The following ZMYND11 variants were observed in gnomAD, a reference collection of about 807,000 sequenced individuals.
The protein encoded by ZMYND11 is zinc finger MYND-type containing 11.
In ZMYND11, 9 loss-of-function variants were observed where a neutral mutation model predicts 84.9. The observed-to-expected ratio is 0.11, with a 90% CI of 0.06 to 0.18. ZMYND11 has a LOEUF of 0.18. Among genes scored for constraint, ZMYND11 ranks in the 10% least tolerant of loss-of-function variants. The pLI, the probability that ZMYND11 is intolerant of heterozygous loss-of-function variation, is 1.00. For synonymous variants in ZMYND11, 250 were observed against 244.1 expected, an observed-to-expected ratio of 1.02 and a Z score of -0.23; for missense variants, 409 against 761.0, an observed-to-expected ratio of 0.54 and a Z score of 5.44.
Position 248,470 on chromosome 10 carries a change from C to T in ZMYND11, c.1362C>T (p.Ser454=). The T allele has an allele frequency of 2.5e-6, 4 of 1,614,184 alleles. No homozygotes were observed. The African/African-American group carries it at 4.0e-5, about 16-fold the overall frequency. The change falls in exon 13 of 15, where the codon AGC becomes AGT. Residue 454 remains serine, a synonymous_variant. Coordinates refer to ENST00000381604, the MANE Select transcript of ZMYND11 (RefSeq NM_001370100.5). ...SASSPRMLHR[S]TQTTNDGVCQ... ...CTTCACCAAGAATGCTGCATCGGAGCACCCAGACCACAAACGACGGCGTGT... is the reference window on the plus strand; with the variant it reads ...CTTCACCAAGAATGCTGCATCGGAGTACCCAGACCACAAACGACGGCGTGT...
intron 4 of ZMYND11, among the ~76,000 whole-genome samples, chr10:231,051 T>C (rs1948943083): frequency 6.6e-6 from 1 of 152,230 alleles, no homozygotes; most frequent in Non-Finnish European, 1.5e-5. Flanking sequence ...ATGAAAATTA[T>C]AAAAAATTCA....
chr10:246,093 TC>T (rs1335625214), intron 10 of ZMYND11, among the ~76,000 whole-genome samples: 30 of 152,200 alleles, frequency 2.0e-4, no homozygotes, highest in Non-Finnish European at 4.1e-4. Flanking sequence ...GAAAAAGTGT[TC>T]TTTCCAACAG....
intron 1 of ZMYND11, among the ~76,000 whole-genome samples, chr10:175,517 C>G (rs1368613100): frequency 6.6e-6 from 1 of 151,866 alleles, no homozygotes; most frequent in Non-Finnish European, 1.5e-5. Context: ...TGCAGTGAGC[C>G]GAAATCACAC....
At chr10:234,982 ATGTG>A (rs60483060) in intron 4 of ZMYND11, among the ~76,000 whole-genome samples, 211 of 148,992 alleles carry the variant, frequency 1.4e-3, no homozygotes, top group Middle Eastern at 3.4e-3. Flanking sequence ...TATTTCGCAA[ATGTG>A]TGTGTGTGTG....
At chr10:219,101 T>C (rs891985620) in intron 3 of ZMYND11, among the ~76,000 whole-genome samples, 2 of 152,210 alleles carry the variant, frequency 1.3e-5, no homozygotes, top group Admixed American at 6.5e-5. Flanking sequence ...ATTTGAGTTA[T>C]ACTTTCATTT....
chr10:168,409 G>A (rs781946014), intron 1 of ZMYND11, among the ~76,000 whole-genome samples: 12 of 152,004 alleles, frequency 7.9e-5, no homozygotes, highest in Non-Finnish European at 1.5e-4. Context: ...CCAGGAGAAT[G>A]GAGTCCAGCC....
chr10:196,096 C>T (rs1205580216), intron 2 of ZMYND11, among the ~76,000 whole-genome samples: 1 of 152,188 alleles, frequency 6.6e-6, no homozygotes, highest in African/African-American at 2.4e-5. Flanking sequence ...TTAGGTAATT[C>T]ATTTCATTCA....
intron 2 of ZMYND11, among the ~76,000 whole-genome samples, chr10:188,672 G>A (rs1320014102): frequency 6.6e-6 from 1 of 151,196 alleles, no homozygotes; most frequent in African/African-American, 2.4e-5. Context: ...GTCTATTTTA[G>A]TATCCATTAA....
chr10:200,993 G>A (rs1431845), intron 2 of ZMYND11, among the ~76,000 whole-genome samples: 34,496 of 151,692 alleles, frequency 0.23, 4,183 homozygotes, highest in Middle Eastern at 0.32. Flanking sequence ...TTCTAATCTA[G>A]TCAGGTATTT....
At chr10:248,789 GT>G in intron 13 of ZMYND11, 113 bp from the exon 14 acceptor site, 1 of 1,428,316 alleles carries the variant, frequency 7.0e-7, no homozygotes. Flanking sequence ...TTTTACACAT[GT>G]AATGAAGGGG....
intron 1 of ZMYND11, among the ~76,000 whole-genome samples, chr10:146,870 G>T (rs114831329): frequency 0.012 from 1,830 of 152,332 alleles, 33 homozygotes; most frequent in African/African-American, 0.041. Context: ...CACCTGCACA[G>T]GTTCTCCTGC....
intron 1 of ZMYND11, among the ~76,000 whole-genome samples, chr10:154,494 C>T (rs1841220419): frequency 6.6e-6 from 1 of 152,132 alleles, no homozygotes; most frequent in African/African-American, 2.4e-5. Flanking sequence ...GAAGGCAGAG[C>T]ATGGTCACGG....
rs1047673931 is a variant in ZMYND11 at position 193,630 on chromosome 10, A to T, written c.116+13502A>T. On this transcript the variant is annotated intron_variant, in intron 2 of 14. Coordinates refer to ENST00000381604, the MANE Select transcript of ZMYND11 (RefSeq NM_001370100.5). ...GTTAACCAGCTGTGTTTCCTTGAGG[A>T]AGTCATTTTCTTTCCTTCCTCTGTA... is the stretch of plus-strand genomic sequence containing the variant. 7.2e-5 allele frequency among the ~76,000 whole-genome samples: 11 copies of T among 152,186 alleles called. 1 individual carries two copies. The highest frequency in any genetic ancestry group is 7.2e-4 in the Admixed American group (11 of 15,270).
chr10:227,181 G>A (rs561310722), intron 4 of ZMYND11, among the ~76,000 whole-genome samples: 3 of 152,122 alleles, frequency 2.0e-5, no homozygotes, highest in Admixed American at 6.5e-5. Context: ...AAGCTCTCCC[G>A]AATTTGCAGC....
chr10:211,906 G>A (rs897003189), intron 3 of ZMYND11, among the ~76,000 whole-genome samples: 2 of 152,084 alleles, frequency 1.3e-5, no homozygotes, highest in African/African-American at 4.8e-5. Context: ...TTAAAGGAGG[G>A]CCATTAATTG....
intron 1 of ZMYND11, among the ~76,000 whole-genome samples, chr10:140,926 G>T (rs1397418576): frequency 6.6e-6 from 1 of 152,148 alleles, no homozygotes; most frequent in African/African-American, 2.4e-5. Context: ...TAAAACTAAA[G>T]AAGTAGAAAT....
intron 3 of ZMYND11, among the ~76,000 whole-genome samples, chr10:218,839 C>A (rs1946633261): frequency 6.6e-6 from 1 of 152,128 alleles, no homozygotes; most frequent in South Asian, 2.1e-4. Flanking sequence ...CTCTATTTAC[C>A]AAAAGACAAA....
chr10:164,914 G>A (rs1843645912), intron 1 of ZMYND11, among the ~76,000 whole-genome samples: 1 of 152,106 alleles, frequency 6.6e-6, no homozygotes, highest in African/African-American at 2.4e-5. Flanking sequence ...GGCAGGAAGA[G>A]GGGGTAGGGG....
At chr10:161,963 C>G (rs754430991) in intron 1 of ZMYND11, among the ~76,000 whole-genome samples, 1 of 152,168 alleles carries the variant, frequency 6.6e-6, no homozygotes, top group Admixed American at 6.5e-5. Context: ...GCTGGGATAG[C>G]TGTTTGGCTT....
Sources: allele counts gnomAD v4.1 joint callset (sites outside exome capture counted in the v4.1 genomes callset), GRCh38; gene constraint gnomAD v4.1.1; transcripts MANE v1.5; gene names NCBI Gene and HGNC (gene_info 2026-07-23, HGNC 2026-07-21).